The following CAMTA1 variants were observed in gnomAD, a reference collection of about 807,000 sequenced individuals.
The protein encoded by CAMTA1 is calmodulin-binding transcription activator 1.
A neutral mutation model predicts 170.9 loss-of-function variants in CAMTA1; 27 were observed. The observed-to-expected ratio is 0.16, with a 90% confidence interval of 0.12 to 0.22. The LOEUF (loss-of-function observed/expected upper bound fraction) is 0.22. Ranked by LOEUF, CAMTA1 falls within the 10% of genes least tolerant of loss-of-function variation. CAMTA1 has a pLI of 1.00. For missense variants in CAMTA1, 1,619 were observed against 2,217.2 expected (o/e 0.73, Z 5.42); for synonymous variants, 833 against 891.5 (o/e 0.93, Z 1.17).
intron 3 of CAMTA1, among the ~76,000 whole-genome samples, chr1:6,829,877 A>AT (rs1315845978): frequency 6.6e-6 from 1 of 152,108 alleles, no homozygotes; most frequent in Non-Finnish European, 1.5e-5. Context: ...TCTTCATCTG[A>AT]TTTTAAAATG....
intron 4 of CAMTA1, among the ~76,000 whole-genome samples, chr1:7,170,964 A>G (rs1056615914): frequency 6.6e-5 from 10 of 152,146 alleles, no homozygotes; most frequent in African/African-American, 2.4e-4. Flanking sequence ...TGTTTGTCGA[A>G]TCAAGTTTGT....
Position 6,789,804 on chromosome 1 carries a change from CTTTTTTTTTTTTT to C in CAMTA1, c.45+4241_45+4253del, listed in dbSNP as rs34542033. ...TTATATTAATGACATTTTAGTGTAT[CTTTTTTTTTTTTT>C]TTTTTTTTTTTGAGACAGAGTCTCA... On this transcript the variant is annotated intron_variant, in intron 1 of 22. Coordinates refer to ENST00000303635, the MANE Select transcript of CAMTA1 (RefSeq NM_015215.4). Among the ~76,000 whole-genome samples the C allele has an allele frequency of 4.7e-5, 4 of 85,666 alleles. 1 individual carries two copies. Among genetic ancestry groups the C allele is most frequent in the Admixed American group, 2.2e-4 (2 of 9,000 alleles). 56.2% of individuals were successfully genotyped at this position (85,666 alleles called of 152,430 possible).
chr1:7,551,400 A>AAG (rs35588400), intron 6 of CAMTA1, among the ~76,000 whole-genome samples: 51,180 of 152,028 alleles, frequency 0.34, 9,469 homozygotes, highest in East Asian at 0.68. Context: ...ATGAGGAAGA[A>AAG]AACGCAGGGC....
At chr1:7,160,177 A>G (rs1647125035) in intron 4 of CAMTA1, among the ~76,000 whole-genome samples, 1 of 152,148 alleles carries the variant, frequency 6.6e-6, no homozygotes, top group Non-Finnish European at 1.5e-5. Flanking sequence ...TGAACCTGGG[A>G]GGAAGAGGTT....
At chr1:7,294,844 G>T (rs1180239290) in intron 5 of CAMTA1, among the ~76,000 whole-genome samples, 1 of 2,042 alleles carries the variant, frequency 4.9e-4, no homozygotes, top group African/African-American at 2.2e-3. Flanking sequence ...TCACCAAATG[G>T]CCTCCAAGGC....
intron 22 of CAMTA1, among the ~76,000 whole-genome samples, chr1:7,758,926 C>G (rs1407718160): frequency 3.2e-5 from 3 of 95,080 alleles, no homozygotes. Context: ...AAGAGCGAGA[C>G]TCTGTCTCAA....
At chr1:7,436,198 C>T (rs534783802) in intron 5 of CAMTA1, among the ~76,000 whole-genome samples, 3 of 152,198 alleles carry the variant, frequency 2.0e-5, no homozygotes, top group African/African-American at 2.4e-5. Flanking sequence ...GAGAGGGAGC[C>T]GGGCATGGGG....
chr1:7,158,486 T>C (rs1346710338), intron 4 of CAMTA1, among the ~76,000 whole-genome samples: 1 of 152,220 alleles, frequency 6.6e-6, no homozygotes, highest in Admixed American at 6.5e-5. Context: ...TTGAGATCCA[T>C]GCATTTCACT....
At chr1:7,423,190 G>A (rs1335828117) in intron 5 of CAMTA1, among the ~76,000 whole-genome samples, 1 of 152,176 alleles carries the variant, frequency 6.6e-6, no homozygotes, top group African/African-American at 2.4e-5. Flanking sequence ...AGTGCACAGG[G>A]CCAGGCGTGG....
intron 3 of CAMTA1, among the ~76,000 whole-genome samples, chr1:7,032,619 T>C (rs1572570131): frequency 6.6e-6 from 1 of 152,310 alleles, no homozygotes; most frequent in Non-Finnish European, 1.5e-5. Flanking sequence ...TCTTTATATA[T>C]ACCCACATCT....
rs2094508043 is a variant in CAMTA1, at chr1:7,532,971, G to A, written c.510+65070G>A. Among the ~76,000 whole-genome samples the A allele has an allele frequency of 6.6e-6, 1 of 152,198 alleles. No homozygotes were observed. Among genetic ancestry groups the A allele is most frequent in the African/African-American group, 2.4e-5 (1 of 41,442 alleles). On this transcript the variant is annotated intron_variant, in intron 6 of 22. Transcript: ENST00000303635. The surrounding 1 kb of genome is among the most constrained non-coding windows in gnomAD (Gnocchi z 4.2). ...GGGATTTCATCTGGAACAAGAGATGGGAGGCCCAGGTGGGAGTTGAGGGTC... is the reference window on the plus strand; with the variant it reads ...GGGATTTCATCTGGAACAAGAGATGAGAGGCCCAGGTGGGAGTTGAGGGTC...
chr1:7,135,842 G>A (rs367725255), intron 4 of CAMTA1, among the ~76,000 whole-genome samples: 8 of 152,108 alleles, frequency 5.3e-5, no homozygotes, highest in East Asian at 1.9e-4. Flanking sequence ...GAGTACCAGC[G>A]ACATTAAGTA....
intron 20 of CAMTA1, among the ~76,000 whole-genome samples, 179 bp from the exon 21 acceptor site, chr1:7,752,280 C>T (rs755696934): frequency 6.6e-6 from 1 of 152,104 alleles, no homozygotes; most frequent in Non-Finnish European, 1.5e-5. Context: ...TGCCCGGACT[C>T]GATACTATGG....
chr1:7,717,057 A>G (rs956485674), intron 11 of CAMTA1, among the ~76,000 whole-genome samples: 1 of 152,192 alleles, frequency 6.6e-6, no homozygotes, highest in Admixed American at 6.5e-5. Flanking sequence ...ACTCCTAGGC[A>G]GAGTCTTAAA....
At chr1:7,509,627 T>C (rs1182031836) in intron 6 of CAMTA1, among the ~76,000 whole-genome samples, 1 of 152,186 alleles carries the variant, frequency 6.6e-6, no homozygotes, top group Non-Finnish European at 1.5e-5. Flanking sequence ...TGTCAGAGTT[T>C]CCATTATAAA....
At chr1:6,809,998 G>T (rs1273952182) in intron 1 of CAMTA1, among the ~76,000 whole-genome samples, 1 of 152,204 alleles carries the variant, frequency 6.6e-6, no homozygotes, top group Non-Finnish European at 1.5e-5. Flanking sequence ...GATTGATCCA[G>T]TCCAAGATGA....
At chr1:7,469,941 T>G (rs2093299005) in intron 6 of CAMTA1, among the ~76,000 whole-genome samples, 1 of 152,232 alleles carries the variant, frequency 6.6e-6, no homozygotes, top group Non-Finnish European at 1.5e-5. Context: ...CGCTCCTGTT[T>G]TCCAGCCTCC....
chr1:7,698,886 C>T (rs2096407821), intron 11 of CAMTA1: 1 of 152,298 alleles, frequency 6.6e-6, no homozygotes, highest in South Asian at 2.1e-4. Flanking sequence ...CTCATCTCCT[C>T]ACTGAGTAGT....
At position 7,118,841 on chromosome 1, in the gene CAMTA1, C is replaced by G. The variant is rs111410915; in HGVS notation, c.302+27470C>G. ...CTTGATGGAAGGGAGGGAAACACAA[C>G]GGGAACCTTGCCATTGAGAGGCTCC... On this transcript the variant is annotated intron_variant, in intron 4 of 22. Coordinates refer to ENST00000303635, the MANE Select transcript of CAMTA1 (RefSeq NM_015215.4). 8.8e-3 allele frequency among the ~76,000 whole-genome samples: 1,344 copies of G among 152,258 alleles called. 30 individuals carry two copies. The highest frequency in any genetic ancestry group is 0.031 in the African/African-American group (1,279 of 41,540).
Sources: allele counts gnomAD v4.1 joint callset (sites outside exome capture counted in the v4.1 genomes callset), GRCh38; gene constraint gnomAD v4.1.1; non-coding constraint Gnocchi (gnomAD v3.1); transcripts MANE v1.5; gene names NCBI Gene and HGNC (gene_info 2026-07-23, HGNC 2026-07-21).